F7: variants seen among roughly 807,000 people sequenced by gnomAD.
F7 encodes coagulation factor VII, also known as FVII coagulation protein.
Under a neutral mutation model 47.5 loss-of-function variants are expected in F7, and 38 were observed. The observed-to-expected ratio is 0.80, with a 90% CI of 0.62 to 1.05. The LOEUF is 1.05. F7 is among the 50% of genes least tolerant of loss of function. The probability of loss-of-function intolerance (pLI) is 0.00; values close to 1 mark genes in which losing one functional copy is unlikely to be tolerated. For synonymous variants in F7, 244 were observed against 258.5 expected (o/e 0.94, Z 0.54); for missense variants, 575 against 605.4 (o/e 0.95, Z 0.53).
Position 113,113,691 on chromosome 13 carries a change from C to G in F7, c.226-61C>G. The G allele has an allele frequency of 1.9e-6, 3 of 1,552,542 alleles. No individual in the cohort carries two copies. Among genetic ancestry groups the G allele is most frequent in the Non-Finnish European group, 2.7e-6 (3 of 1,124,180 alleles). ...ACCCCAGTTCATGGTGTGTCCAGTG[C>G]TTACCGTTGGGTGCTCTGGTGAAGG... On this transcript the variant is annotated intron_variant, in intron 2 of 7. Coordinates refer to ENST00000346342, the MANE Select transcript of F7 (RefSeq NM_019616.4). The surrounding 1 kb of genome is among the most constrained non-coding windows in gnomAD (Gnocchi z 4.1).
At chr13:113,110,366 C>T (rs757816818) in intron 1 of F7, 5 of 292,214 alleles carry the variant, frequency 1.7e-5, no homozygotes, top group Non-Finnish European at 3.2e-5. Context: ...GCCGCCTTCT[C>T]CTCGCCGGCA....
At position 113,113,004 on chromosome 13, in the gene F7, T is replaced by A. The variant is rs1209642660; in HGVS notation, c.226-748T>A. Among the ~76,000 whole-genome samples, 7 of 146,436 alleles carry A rather than the reference T, an allele frequency of 4.8e-5. No individual in the cohort carries two copies. The highest frequency in any genetic ancestry group is 1.8e-4 in the African/African-American group (7 of 38,978). On this transcript the variant is annotated intron_variant, in intron 2 of 7. Coordinates refer to ENST00000346342, the MANE Select transcript of F7 (RefSeq NM_019616.4). The surrounding 1 kb of genome is among the most constrained non-coding windows in gnomAD (Gnocchi z 4.1). ...CACAGGTCACACCTCACACAGATCA[T>A]CTCATTCTCACAGGACACCTCCCTC... is the stretch of plus-strand genomic sequence containing the variant.
chr13:113,110,590 G>C (rs1479118098), intron 1 of F7, 100 bp from the exon 2 acceptor site: 21 of 1,498,274 alleles, frequency 1.4e-5, no homozygotes, highest in Non-Finnish European at 1.9e-5. Context: ...TCCAGGACGG[G>C]CGGGAACCTG....
chr13:113,111,099 A>C (rs1052872359), intron 2 of F7, among the ~76,000 whole-genome samples: 2 of 152,138 alleles, frequency 1.3e-5, no homozygotes, highest in African/African-American at 4.8e-5. Context: ...TCACATCAGA[A>C]AATACGATTT....
intron 1 of F7, chr13:113,110,433 T>G: frequency 2.2e-6 from 1 of 448,510 alleles, no homozygotes; most frequent in East Asian, 4.2e-5. Flanking sequence ...CGGCCCGGCT[T>G]CCGCGCGTGC....
At chr13:113,114,599 C>T (rs978039956) in intron 4 of F7, 1 of 157,048 alleles carries the variant, frequency 6.4e-6, no homozygotes, top group African/African-American at 2.4e-5. Flanking sequence ...GTACTGCCAA[C>T]TTGGGAAGCT....
chr13:113,116,680 C>G (rs948345008), intron 5 of F7, 86 bp from the exon 6 acceptor site: 236 of 1,127,570 alleles, frequency 2.1e-4, no homozygotes, highest in Non-Finnish European at 3.0e-4. Context: ...CAAGGCCTCT[C>G]AGAGGATGGG....
intron 4 of F7, 123 bp downstream of exon 4, chr13:113,114,083 C>T (rs2036151867): frequency 2.0e-6 from 2 of 1,020,890 alleles, no homozygotes; most frequent in Non-Finnish European, 3.0e-6. Flanking sequence ...ATTCAGGGCT[C>T]AGCCCCAGTT....
intron 1 of F7, 184 bp from the exon 2 acceptor site, chr13:113,110,506 G>A (rs2036069871): frequency 2.7e-6 from 2 of 735,380 alleles, no homozygotes; most frequent in Admixed American, 2.8e-5. Flanking sequence ...AAGGATGGGC[G>A]ACGGGGGTGG....
intron 2 of F7, among the ~76,000 whole-genome samples, chr13:113,112,999 GATC>G (rs925648010): frequency 8.6e-5 from 13 of 151,426 alleles, no homozygotes; most frequent in African/African-American, 3.2e-4. Flanking sequence ...ACCTCACACA[GATC>G]ATCTCATTCT....
At chr13:113,107,872 G>A (rs1405204321) in intron 1 of F7, among the ~76,000 whole-genome samples, 2 of 93,330 alleles carry the variant, frequency 2.1e-5, no homozygotes, top group Non-Finnish European at 4.7e-5. Flanking sequence ...TCCCGGGGGC[G>A]TGGGTGTTCC....
chr13:113,115,575 G>A, intron 4 of F7, 85 bp from the exon 5 acceptor site: 1 of 1,493,318 alleles, frequency 6.7e-7, no homozygotes, highest in Non-Finnish European at 9.1e-7. Context: ...GAACACCACT[G>A]CTGACCCAGG....
chr13:113,108,359 CGGG>C (rs2036011358), intron 1 of F7, among the ~76,000 whole-genome samples: 1 of 81,528 alleles, frequency 1.2e-5, no homozygotes, highest in Non-Finnish European at 2.6e-5. Context: ...GAGGGTGTCC[CGGG>C]AGTGTGGGTG....
rs1159736248 is a variant in F7, at chr13:113,110,896, G to A, written c.225+46G>A. On this transcript the variant is annotated intron_variant, in intron 2 of 7. Coordinates refer to ENST00000346342, the MANE Select transcript of F7 (RefSeq NM_019616.4). ...CCCCGCGCCGCGGACACTGCAGGCG[G>A]CGGTGAACCAGGCCGCGTGGGGCCG... The A allele has an allele frequency of 3.2e-6, 5 of 1,540,314 alleles. No individual in the cohort carries two copies. The South Asian group carries it at 6.0e-5, about 19-fold the overall frequency.
At chr13:113,110,454 G>A (rs2036068667) in intron 1 of F7, 3 of 484,640 alleles carry the variant, frequency 6.2e-6, no homozygotes, top group South Asian at 3.0e-5. Context: ...CCCCGAGCGC[G>A]CCCTCGGGAT....
chr13:113,117,929 T>G (rs2036225759), intron 7 of F7, among the ~76,000 whole-genome samples: 1 of 152,238 alleles, frequency 6.6e-6, no homozygotes, highest in African/African-American at 2.4e-5. Context: ...GCCACCGTGC[T>G]CTCAGCCACT....
rs752821492 is a variant in F7 at position 113,116,813 on chromosome 13, A to G, written c.553A>G (p.Ser185Gly). The G allele has an allele frequency of 1.9e-6, 3 of 1,613,830 alleles. No individual in the cohort carries two copies. The highest frequency in any genetic ancestry group is 2.7e-5 in the African/African-American group (2 of 74,966). Reference protein sequence around the residue: ...KIPILEKRNASKPQGRIVGGK... With the variant: ...KIPILEKRNAGKPQGRIVGGK... ...ACCTATTCTAGAAAAAAGAAATGCC[A>G]GCAAACCCCAAGGCCGAATTGTGGG... Residue 185 changes from serine to glycine, a missense_variant, in exon 6 of 8, where the codon AGC becomes GGC. By Grantham distance (56) the Ser-to-Gly change is moderately conservative. Transcript: ENST00000346342.
intron 7 of F7, among the ~76,000 whole-genome samples, chr13:113,117,916 G>A (rs887985867): frequency 6.6e-6 from 1 of 152,246 alleles, no homozygotes; most frequent in South Asian, 2.1e-4. Flanking sequence ...CACGACTGCT[G>A]TGGCCACCGT....
intron 4 of F7, among the ~76,000 whole-genome samples, chr13:113,115,144 C>A (rs1188083123): frequency 1.3e-5 from 2 of 152,232 alleles, no homozygotes; most frequent in African/African-American, 4.8e-5. Context: ...CCATGTCAAC[C>A]AAAGTCAGGC....
Sources: allele counts gnomAD v4.1 joint callset (sites outside exome capture counted in the v4.1 genomes callset), GRCh38; gene constraint gnomAD v4.1.1; non-coding constraint Gnocchi (gnomAD v3.1); transcripts MANE v1.5; gene names NCBI Gene and HGNC (gene_info 2026-07-23, HGNC 2026-07-21).